SORCS2: variants seen among roughly 807,000 people sequenced by gnomAD.
SORCS2 encodes sortilin related VPS10 domain containing receptor 2.
In SORCS2, 100 loss-of-function variants were observed where a neutral mutation model predicts 141.6. That is an observed-to-expected ratio of 0.71 (90% confidence interval 0.60 to 0.83). The LOEUF (loss-of-function observed/expected upper bound fraction) is 0.83, where lower values mean the gene tolerates loss of function less well. Among genes scored for constraint, SORCS2 ranks in the 40% least tolerant of loss-of-function variants. The pLI, the probability that SORCS2 is intolerant of heterozygous loss-of-function variation, is 0.00. For synonymous variants in SORCS2, 789 were observed against 676.9 expected (o/e 1.17, Z -2.57); for missense variants, 1,646 against 1,560.2 (o/e 1.05, Z -0.93).
chr4:7,496,550 GT>G (rs1418165366), intron 2 of SORCS2, among the ~76,000 whole-genome samples: 1 of 146,690 alleles, frequency 6.8e-6, no homozygotes, highest in Admixed American at 7.0e-5. Context: ...TTAATTTTGG[GT>G]GTCAGGAAAT....
rs1341323771 is a variant in SORCS2 at position 7,286,512 on chromosome 4, G to A, written c.480+93386G>A. 1.3e-5 allele frequency among the ~76,000 whole-genome samples: 2 copies of A among 152,184 alleles called. No individual in the cohort carries two copies. Among genetic ancestry groups the A allele is most frequent in the Non-Finnish European group, 2.9e-5 (2 of 68,030 alleles). Reference sequence around the variant, plus strand: ...TCTCCTGAGGTTTCCAAGACAAAGGGTGGCAGGCTGGCTGGGCCTGGCACT... The same window carrying A: ...TCTCCTGAGGTTTCCAAGACAAAGGATGGCAGGCTGGCTGGGCCTGGCACT... On this transcript the variant is annotated intron_variant, in intron 1 of 26. Transcript: ENST00000507866. The surrounding 1 kb of genome is among the most constrained non-coding windows in gnomAD (Gnocchi z 4.1).
At chr4:7,407,839 C>T (rs1050512838) in intron 2 of SORCS2, among the ~76,000 whole-genome samples, 1 of 151,810 alleles carries the variant, frequency 6.6e-6, no homozygotes, top group South Asian at 2.1e-4. Flanking sequence ...TTTATTAAAT[C>T]TATTATAGGT....
intron 3 of SORCS2, among the ~76,000 whole-genome samples, chr4:7,620,172 G>A (rs1042162939): frequency 2.0e-5 from 3 of 152,144 alleles, no homozygotes; most frequent in Admixed American, 6.5e-5. Flanking sequence ...GGAGCAGAAT[G>A]ATACGGGATT....
intron 2 of SORCS2, among the ~76,000 whole-genome samples, chr4:7,411,033 G>T (rs537128349): frequency 8.0e-6 from 1 of 124,710 alleles, no homozygotes; most frequent in African/African-American, 3.0e-5. Flanking sequence ...TCGACTCACC[G>T]CAACCTCTGC....
At chr4:7,362,820 C>G (rs1478740509) in intron 1 of SORCS2, among the ~76,000 whole-genome samples, 2 of 151,342 alleles carry the variant, frequency 1.3e-5, no homozygotes, top group Non-Finnish European at 2.9e-5. Context: ...ACCACCAACA[C>G]CACCATCATT....
intron 1 of SORCS2, among the ~76,000 whole-genome samples, chr4:7,262,090 G>A (rs1212193914): frequency 1.3e-5 from 2 of 151,984 alleles, no homozygotes; most frequent in Non-Finnish European, 2.9e-5. Context: ...ATTCATACAG[G>A]GGGAAGATAA....
At chr4:7,403,997 A>ATATATATATTTTT (rs1265288820) in intron 2 of SORCS2, among the ~76,000 whole-genome samples, 3 of 18,970 alleles carry the variant, frequency 1.6e-4, no homozygotes, top group East Asian at 1.3e-3. Flanking sequence ...ATATATATAT[A>ATATATATATTTTT]TTTTTTTTTT....
chr4:7,678,659 A>C (rs1361397120), intron 9 of SORCS2, among the ~76,000 whole-genome samples: 2 of 149,826 alleles, frequency 1.3e-5, no homozygotes, highest in African/African-American at 2.5e-5. Flanking sequence ...GAGAGGAAGC[A>C]AGAAGCCAGA....
intron 2 of SORCS2, among the ~76,000 whole-genome samples, chr4:7,452,143 T>C (rs993502710): frequency 5.3e-5 from 8 of 151,308 alleles, no homozygotes; most frequent in African/African-American, 1.9e-4. Flanking sequence ...TGGAAGGCTC[T>C]TCTTTTTTTT....
At chr4:7,606,151 A>C (rs1002863627) in intron 3 of SORCS2, among the ~76,000 whole-genome samples, 1 of 152,162 alleles carries the variant, frequency 6.6e-6, no homozygotes. Flanking sequence ...ACTCTTTAAG[A>C]CTGAGTTTCA....
intron 1 of SORCS2, among the ~76,000 whole-genome samples, chr4:7,265,439 C>T (rs1204704999): frequency 3.3e-5 from 5 of 152,040 alleles, no homozygotes; most frequent in Non-Finnish European, 5.9e-5. Context: ...TGCAGTGAGC[C>T]GAGATTGCAC....
intron 3 of SORCS2, among the ~76,000 whole-genome samples, chr4:7,570,084 T>C (rs1715285900): frequency 6.6e-6 from 1 of 152,164 alleles, no homozygotes; most frequent in Admixed American, 6.5e-5. Context: ...GGATCCTGGC[T>C]CTAAATGCTA....
rs551752897 is a variant in SORCS2 at position 7,232,023 on chromosome 4, G to A, written c.480+38897G>A. Among the ~76,000 whole-genome samples the A allele has an allele frequency of 9.8e-5, 15 of 152,362 alleles. No individual in the cohort carries two copies. In the South Asian group the frequency reaches 2.3e-3, roughly 23 times the overall value. ...GGAGCTGTGTTCTGACAAGGGCCCC[G>A]TGATTGCTGAGGATGCTGACATCTG... is the stretch of plus-strand genomic sequence containing the variant. On this transcript the variant is annotated intron_variant, in intron 1 of 26. Coordinates refer to ENST00000507866, the MANE Select transcript of SORCS2 (RefSeq NM_020777.3).
intron 1 of SORCS2, among the ~76,000 whole-genome samples, chr4:7,292,395 G>A (rs150455780): frequency 1.3e-5 from 2 of 152,354 alleles, no homozygotes; most frequent in East Asian, 3.9e-4. Context: ...CGGGAGATAA[G>A]AGGAACCCAG....
intron 1 of SORCS2, among the ~76,000 whole-genome samples, chr4:7,386,060 C>T (rs913246488): frequency 2.6e-5 from 4 of 152,208 alleles, no homozygotes; most frequent in African/African-American, 4.8e-5. Flanking sequence ...TGGAGTGGCT[C>T]TGTTGCCTGC....
rs1030927080 is a variant in SORCS2, at chr4:7,742,084, C to T, written c.*1820C>T. 3.3e-5 allele frequency: 5 copies of T among 152,296 alleles called. No individual in the cohort carries two copies. Among genetic ancestry groups the T allele is most frequent in the Non-Finnish European group, 5.9e-5 (4 of 68,108 alleles). 9.4% of individuals were successfully genotyped at this position (152,296 alleles called of 1,614,324 possible). ...CTCTCTCCCCACCCTACCTGCCCAC[C>T]TGGGGCTCCTGTGCCCCCTCCCCAC... On this transcript the variant is annotated 3_prime_UTR_variant, in exon 27 of 27. Transcript: ENST00000507866.
intron 23 of SORCS2, 101 bp downstream of exon 23, chr4:7,729,813 G>C (rs1711527781): frequency 1.4e-6 from 2 of 1,477,354 alleles, no homozygotes; most frequent in South Asian, 2.7e-5. Context: ...ATGGCATAAA[G>C]GCGTCTTTCT....
intron 3 of SORCS2, among the ~76,000 whole-genome samples, chr4:7,621,014 C>G (rs537978877): frequency 6.6e-6 from 1 of 152,032 alleles, no homozygotes; most frequent in East Asian, 1.9e-4. Flanking sequence ...CTGGCAGGCA[C>G]GGGGGGGTTG....
chr4:7,468,401 A>G (rs1020017724), intron 2 of SORCS2, among the ~76,000 whole-genome samples: 2 of 152,204 alleles, frequency 1.3e-5, no homozygotes, highest in Admixed American at 1.3e-4. Flanking sequence ...TACTCATGGG[A>G]TCAGCCCAGG....
Sources: allele counts gnomAD v4.1 joint callset (sites outside exome capture counted in the v4.1 genomes callset), GRCh38; gene constraint gnomAD v4.1.1; non-coding constraint Gnocchi (gnomAD v3.1); transcripts MANE v1.5; gene names NCBI Gene and HGNC (gene_info 2026-07-23, HGNC 2026-07-21).